INHA: variants seen among roughly 807,000 people sequenced by gnomAD.
The protein encoded by INHA is inhibin subunit alpha.
INHA carries 8 observed loss-of-function variants against 21.3 expected under a neutral mutation model. The observed-to-expected ratio is 0.38, with a 90% confidence interval of 0.22 to 0.68. INHA has a LOEUF of 0.68. Ranked by LOEUF, INHA falls within the 30% of genes least tolerant of loss-of-function variation. INHA has a pLI of 0.53. For synonymous variants in INHA, 231 were observed against 207.5 expected, an observed-to-expected ratio of 1.11 and a Z score of -0.97; for missense variants, 436 against 465.8, an observed-to-expected ratio of 0.94 and a Z score of 0.59.
chr2:219,574,207 A>C (rs1445597702), intron 1 of INHA, among the ~76,000 whole-genome samples: 1 of 148,982 alleles, frequency 6.7e-6, no homozygotes, highest in Admixed American at 6.8e-5. Context: ...TGAGCCCAGG[A>C]GGTAGACGCT....
At chr2:219,574,214 C>T (rs904093925) in intron 1 of INHA, among the ~76,000 whole-genome samples, 10 of 143,444 alleles carry the variant, frequency 7.0e-5, no homozygotes, top group South Asian at 2.2e-4. Flanking sequence ...AGGAGGTAGA[C>T]GCTGCAGTGA....
chr2:219,575,010 G>T lies in INHA; in HGVS notation c.585G>T (p.Val195=). Reference sequence around the variant, plus strand: ...CTCTGCTGACCCACCCCGTCCTGGTGCTGCTGCTGCGCTGTCCCCTCTGTA... The same window carrying T: ...CTCTGCTGACCCACCCCGTCCTGGTTCTGCTGCTGCGCTGTCCCCTCTGTA... ...ALSLLTHPVL[V]LLLRCPLCTC... is the part of the protein sequence containing the mutation. Residue 195 remains valine (V), a synonymous_variant, in exon 2 of 2, where the codon GTG becomes GTT. Coordinates refer to ENST00000243786, the MANE Select transcript of INHA (RefSeq NM_002191.4). 1 of 1,613,066 alleles carries T rather than the reference G, an allele frequency of 6.2e-7. No homozygotes were observed. The highest frequency in any genetic ancestry group is 8.5e-7 in the Non-Finnish European group (1 of 1,180,026).
rs768782805 is a variant in INHA, at chr2:219,575,555, T to G, written c.*29T>G. ...TGGGGGGTCTTCCTTCTTAATCCCA[T>G]GGCTGGTGGCCACGCCCCCACCATC... On this transcript the variant is annotated 3_prime_UTR_variant, in exon 2 of 2. Coordinates refer to ENST00000243786, the MANE Select transcript of INHA (RefSeq NM_002191.4). The G allele has an allele frequency of 2.6e-6, 4 of 1,563,846 alleles. No homozygotes were observed. Among genetic ancestry groups the G allele is most frequent in the Non-Finnish European group, 2.6e-6 (3 of 1,137,184 alleles).
rs752431939 is a variant in INHA, at chr2:219,575,295, C to T, written c.870C>T (p.Tyr290=). 21 of 1,614,078 alleles carry T rather than the reference C, an allele frequency of 1.3e-5. No homozygotes were observed. Among genetic ancestry groups the T allele is most frequent in the Admixed American group, 3.3e-5 (2 of 60,006 alleles). The change falls in exon 2 of 2, where the codon TAC becomes TAT. Residue 290 remains tyrosine, a synonymous_variant. Coordinates refer to ENST00000243786, the MANE Select transcript of INHA (RefSeq NM_002191.4). ...ACCCTCCCAGTTTCATCTTCCACTA[C>T]TGTCATGGTGGTTGTGGGCTGCACA... ...IVYPPSFIFH[Y]CHGGCGLHIP... is the part of the protein sequence containing the mutation.
At chr2:219,573,276 C>G (rs1416687912) in intron 1 of INHA, among the ~76,000 whole-genome samples, 1 of 152,204 alleles carries the variant, frequency 6.6e-6, no homozygotes, top group Non-Finnish European at 1.5e-5. Flanking sequence ...AGGCAAAATC[C>G]AAGCCTGGCC....
intron 1 of INHA, 118 bp from the exon 2 acceptor site, chr2:219,574,576 G>A: frequency 1.2e-6 from 1 of 808,408 alleles, no homozygotes; most frequent in Non-Finnish European, 2.0e-6. Context: ...AGGGCGTGGA[G>A]CAGAGTGCAG....
At chr2:219,574,278 C>CAAAAAAAAAAA (rs1189604451) in intron 1 of INHA, among the ~76,000 whole-genome samples, 1 of 65,976 alleles carries the variant, frequency 1.5e-5, no homozygotes, top group Non-Finnish European at 3.2e-5. Flanking sequence ...GACTCTGTCT[C>CAAAAAAAAAAA]AAAAAAAAAA....
rs747734566 is a variant in INHA, at chr2:219,575,199, C to G, written c.774C>G (p.Ala258=). 8.7e-6 allele frequency: 14 copies of G among 1,614,148 alleles called. No homozygotes were observed. The highest frequency in any genetic ancestry group is 5.5e-5 in the South Asian group (5 of 91,096). Residue 258 remains alanine, a synonymous_variant, in exon 2 of 2, where the codon GCC becomes GCG. Transcript: ENST00000243786. The part of the protein sequence containing the change: ...LLQRPPEEPA[A]HANCHRVALN... The stretch of plus-strand genomic sequence containing the variant: ...AGAGGCCTCCGGAGGAACCGGCTGC[C>G]CATGCCAACTGCCACAGAGTAGCAC...
intron 1 of INHA, 151 bp downstream of exon 1, chr2:219,572,793 C>A: frequency 1.1e-6 from 1 of 872,524 alleles, no homozygotes; most frequent in Non-Finnish European, 1.8e-6. Context: ...CCTTATGCTT[C>A]TGTCTCCCCA....
Position 219,572,354 on chromosome 2 carries a change from A to G in INHA, c.-21A>G. The G allele has an allele frequency of 1.2e-6, 2 of 1,613,462 alleles. No individual in the cohort carries two copies. Among genetic ancestry groups the G allele is most frequent in the Non-Finnish European group, 8.5e-7 (1 of 1,180,018 alleles). On this transcript the variant is annotated 5_prime_UTR_variant, in exon 1 of 2. Transcript: ENST00000243786. ...GCACGGGGCAGGGTGTGAGTTCCCCACTAGCAGGGCCAGGTGAGCTATGGT... is the reference window on the plus strand; with the variant it reads ...GCACGGGGCAGGGTGTGAGTTCCCCGCTAGCAGGGCCAGGTGAGCTATGGT...
In INHA at chr2:219,575,707, C is replaced by T; in HGVS notation, c.*181C>T. 1 of 620,026 alleles carries T rather than the reference C, an allele frequency of 1.6e-6. No individual in the cohort carries two copies. The highest frequency in any genetic ancestry group is 2.9e-6 in the Non-Finnish European group (1 of 346,488). The allele number at this position is 620,026 out of a possible 1,614,324, so 38.4% of individuals were successfully genotyped here. ...TCAATAAAGAACACAGTGCATATGA[C>T]TTGACATATGTTCTCCAGCTTCTCT... is the stretch of plus-strand genomic sequence containing the variant. On this transcript the variant is annotated 3_prime_UTR_variant, in exon 2 of 2. Coordinates refer to ENST00000243786, the MANE Select transcript of INHA (RefSeq NM_002191.4).
At position 219,575,117 on chromosome 2, in the gene INHA, G is replaced by A. The variant is rs761479412; in HGVS notation, c.692G>A (p.Arg231Gln). The change falls in exon 2 of 2, where the codon CGA (arginine) becomes CAA (glutamine). Residue 231 changes from arginine to glutamine, a missense_variant. Arg to Gln is a conservative substitution (Grantham distance 43). Coordinates refer to ENST00000243786, the MANE Select transcript of INHA (RefSeq NM_002191.4). The stretch of plus-strand genomic sequence containing the variant: ...CCACCCAGTGGAGGGGAGAGAGCCC[G>A]ACGCTCAACTCCCCTGATGTCCTGG... ...TRPPSGGERA[R>Q]RSTPLMSWPW... 13 of 1,614,140 alleles carry A rather than the reference G, an allele frequency of 8.1e-6. No individual in the cohort carries two copies. Among genetic ancestry groups the A allele is most frequent in the Non-Finnish European group, 9.3e-6 (11 of 1,180,032 alleles).
intron 1 of INHA, 99 bp downstream of exon 1, chr2:219,572,741 G>T: frequency 7.4e-7 from 1 of 1,346,548 alleles, no homozygotes; most frequent in South Asian, 1.3e-5. Context: ...TCCTAGTCCT[G>T]CTACTCAGTT....
rs1345772168 is a variant in INHA at position 219,572,548 on chromosome 2, G to C, written c.174G>C (p.Leu58=). The change falls in exon 1 of 2, where the codon CTG becomes CTC. Residue 58 remains leucine, a synonymous_variant. Coordinates refer to ENST00000243786, the MANE Select transcript of INHA (RefSeq NM_002191.4). ...REGGDPGVRR[L]PRRHALGGFT... Reference sequence around the variant, plus strand: ...GTGGGGACCCTGGAGTCAGGCGGCTGCCCCGAAGACATGCCCTGGGGGGCT... The same window carrying C: ...GTGGGGACCCTGGAGTCAGGCGGCTCCCCCGAAGACATGCCCTGGGGGGCT... 1 of 1,577,754 alleles carries C rather than the reference G, an allele frequency of 6.3e-7. No individual in the cohort carries two copies. The highest frequency in any genetic ancestry group is 2.3e-5 in the East Asian group (1 of 42,598).
In INHA at chr2:219,572,325, A is replaced by G. The variant is rs772889298; in HGVS notation, c.-50A>G. The G allele has an allele frequency of 1.2e-6, 2 of 1,612,544 alleles. No individual in the cohort carries two copies. The highest frequency in any genetic ancestry group is 4.5e-5 in the East Asian group (2 of 44,894). On this transcript the variant is annotated 5_prime_UTR_variant, in exon 1 of 2. Transcript: ENST00000243786. The stretch of plus-strand genomic sequence containing the variant: ...AAGGCCCTGGGCAGACCCTGGCAGA[A>G]GGGGCACGGGGCAGGGTGTGAGTTC...
Position 219,574,875 on chromosome 2 carries a change from C to A in INHA, c.450C>A (p.Pro150=). 1 of 1,614,114 alleles carries A rather than the reference C, an allele frequency of 6.2e-7. No homozygotes were observed. Among genetic ancestry groups the A allele is most frequent in the Non-Finnish European group, 8.5e-7 (1 of 1,180,004 alleles). Residue 150 remains proline, a synonymous_variant, in exon 2 of 2, where the codon CCC becomes CCA. Transcript: ENST00000243786. ...CAGCAGCCTCCAATAGCTCTGAGCC[C>A]CTGCTAGGCCTGCTGGCACTGTCAC... ...QGTAASNSSE[P]LLGLLALSPG...
chr2:219,575,183 C>T lies in INHA; in HGVS notation c.758C>T (p.Pro253Leu), dbSNP rs750272026. 27 of 1,614,126 alleles carry T rather than the reference C, an allele frequency of 1.7e-5. No individual in the cohort carries two copies. The highest frequency in any genetic ancestry group is 1.1e-4 in the South Asian group (10 of 91,092). ...PSALRLLQRP[P>L]EEPAAHANCH... ...GCTCTGCGCCTGCTGCAGAGGCCTC[C>T]GGAGGAACCGGCTGCCCATGCCAAC... The change falls in exon 2 of 2, where the codon CCG becomes CTG. Residue 253 changes from proline (P) to leucine (L), a missense_variant. Pro to Leu is a moderately conservative substitution (Grantham distance 98, BLOSUM62 -3). Coordinates refer to ENST00000243786, the MANE Select transcript of INHA (RefSeq NM_002191.4).
chr2:219,575,439 A>G lies in INHA; in HGVS notation c.1014A>G (p.Leu338=), dbSNP rs1328625466. The G allele has an allele frequency of 1.2e-6, 2 of 1,614,058 alleles. No individual in the cohort carries two copies. The highest frequency in any genetic ancestry group is 1.7e-5 in the Admixed American group (1 of 60,026). ...CAALPGTMRP[L]HVRTTSDGGY... ...CTCTCCCAGGGACCATGAGGCCCCT[A>G]CATGTCCGCACCACCTCGGATGGAG... is the stretch of plus-strand genomic sequence containing the variant. Residue 338 remains leucine (L), a synonymous_variant, in exon 2 of 2, where the codon CTA becomes CTG. Coordinates refer to ENST00000243786, the MANE Select transcript of INHA (RefSeq NM_002191.4).
rs148567617 is a variant in INHA at position 219,575,060 on chromosome 2, C to T, written c.635C>T (p.Thr212Met). 27 of 1,613,474 alleles carry T rather than the reference C, an allele frequency of 1.7e-5. 1 individual carries two copies. The highest frequency in any genetic ancestry group is 1.5e-4 in the South Asian group (14 of 91,088). Residue 212 changes from threonine to methionine, a missense_variant, in exon 2 of 2, where the codon ACG becomes ATG. Physicochemically the swap from Thr to Met is moderately conservative, Grantham distance 81 (BLOSUM62 -1). Transcript: ENST00000243786. ...LCTCSARPEA[T>M]PFLVAHTRTR... ...ACCTGCTCAGCCCGGCCTGAGGCCA[C>T]GCCCTTCCTGGTGGCCCACACTCGG...
Sources: gnomAD v4.1 joint callset for allele counts (sites outside exome capture counted in the v4.1 genomes callset) on GRCh38, gnomAD v4.1.1 for gene constraint, MANE v1.5 for transcripts, NCBI Gene and HGNC (gene_info 2026-07-23, HGNC 2026-07-21) for gene names.